The following LSM14A variants were observed in gnomAD, a reference collection of about 807,000 sequenced individuals.
LSM14A encodes the protein protein LSM14 homolog A.
A neutral mutation model predicts 52.4 loss-of-function variants in LSM14A; 14 were observed. That is an observed-to-expected ratio of 0.27 (90% CI 0.18 to 0.42). The LOEUF (loss-of-function observed/expected upper bound fraction) is 0.42. Ranked by LOEUF, LSM14A falls within the 10% of genes least tolerant of loss-of-function variation. The pLI, the probability that LSM14A is intolerant of heterozygous loss-of-function variation, is 1.00. For missense variants in LSM14A, 417 were observed against 581.8 expected, an observed-to-expected ratio of 0.72 and a Z score of 2.91; for synonymous variants, 185 against 200.3, an observed-to-expected ratio of 0.92 and a Z score of 0.64.
chr19:34,226,373 CTCTT>C lies in LSM14A; in HGVS notation c.1369-990_1369-987del. 3.0e-5 allele frequency: 39 copies of C among 1,282,658 alleles called. No homozygotes were observed. In the African/African-American group the frequency reaches 5.8e-4, roughly 19 times the overall value. 79.5% of individuals were successfully genotyped at this position (1,282,658 alleles called of 1,614,324 possible). ...CTCCCTCTCCTGTCCCCATCTCTTT[CTCTT>C]TTTTTTTTTTTTTTTTTTTTTACCT... On this transcript the variant is annotated intron_variant, in intron 9 of 9. Coordinates refer to ENST00000544216, the MANE Select transcript of LSM14A (RefSeq NM_015578.4).
At chr19:34,187,658 G>A (rs1812007688) in intron 1 of LSM14A, among the ~76,000 whole-genome samples, 1 of 152,050 alleles carries the variant, frequency 6.6e-6, no homozygotes. Context: ...AGTATATAAT[G>A]TTTATCATGC....
intron 1 of LSM14A, among the ~76,000 whole-genome samples, chr19:34,177,637 A>C (rs2069172070): frequency 6.6e-6 from 1 of 152,344 alleles, no homozygotes; most frequent in African/African-American, 2.4e-5. Context: ...CTGTAATCCC[A>C]ACATTTCCAA....
Position 34,172,735 on chromosome 19 carries a change from C to A in LSM14A, c.93C>A (p.Thr31=), listed in dbSNP as rs755871446. ...AGGGCATCCTCTACACCATCGACAC[C>A]GAAAACTCCACCGTAGCCCTTGCCA... ...RYEGILYTID[T]ENSTVALAKV... The change falls in exon 1 of 10, where the codon ACC becomes ACA. Residue 31 remains threonine, a synonymous_variant. Coordinates refer to ENST00000544216, the MANE Select transcript of LSM14A (RefSeq NM_015578.4). 1 of 1,577,700 alleles carries A rather than the reference C, an allele frequency of 6.3e-7. No homozygotes were observed. Among genetic ancestry groups the A allele is most frequent in the Non-Finnish European group, 8.6e-7 (1 of 1,163,602 alleles).
intron 9 of LSM14A, among the ~76,000 whole-genome samples, chr19:34,223,863 G>A (rs2073196486): frequency 6.6e-6 from 1 of 152,180 alleles, no homozygotes; most frequent in African/African-American, 2.4e-5. Flanking sequence ...ATAAAGAGTT[G>A]CACCATTTAT....
In LSM14A at chr19:34,209,116, A is replaced by G. The variant is rs190762064; in HGVS notation, c.538+65A>G. 1.3e-4 allele frequency: 179 copies of G among 1,384,498 alleles called. No homozygotes were observed. The East Asian group carries it at 2.9e-3, about 22-fold the overall frequency. The allele number at this position is 1,384,498 out of a possible 1,614,324, so 85.8% of individuals were successfully genotyped here. A position where few individuals can be genotyped will look rare whatever the true frequency, so the allele number is the denominator to read the frequency against. On this transcript the variant is annotated intron_variant, in intron 4 of 9. Coordinates refer to ENST00000544216, the MANE Select transcript of LSM14A (RefSeq NM_015578.4). ...TTTATAGTGGTTTTTGTCTTTCTGA[A>G]TGTAAGAGCTTTTGCAGCTTGTAAA...
chr19:34,197,472 T>C (rs1196067359), intron 3 of LSM14A, among the ~76,000 whole-genome samples: 1 of 136,694 alleles, frequency 7.3e-6, no homozygotes, highest in East Asian at 2.2e-4. Context: ...AGAGTCTTGC[T>C]CTGTTGCCCA....
chr19:34,180,908 A>G (rs1239355619), intron 1 of LSM14A, among the ~76,000 whole-genome samples: 1 of 152,186 alleles, frequency 6.6e-6, no homozygotes, highest in African/African-American at 2.4e-5. Flanking sequence ...TCACTTTTCT[A>G]CATGGCTATT....
Position 34,221,749 on chromosome 19 carries a change from C to G in LSM14A, c.1368+11C>G. ...GATTTTGAATATAGGGTAAGTGTTACTGTTAATAAATTCTTTGGGGTTGAC... is the reference window on the plus strand; with the variant it reads ...GATTTTGAATATAGGGTAAGTGTTAGTGTTAATAAATTCTTTGGGGTTGAC... On this transcript the variant is annotated intron_variant, in intron 9 of 9. Coordinates refer to ENST00000544216, the MANE Select transcript of LSM14A (RefSeq NM_015578.4). 6.3e-7 allele frequency: 1 copy of G among 1,597,516 alleles called. No individual in the cohort carries two copies. The highest frequency in any genetic ancestry group is 8.6e-7 in the Non-Finnish European group (1 of 1,167,496).
chr19:34,204,493 C>T (rs902277219), intron 3 of LSM14A, among the ~76,000 whole-genome samples: 1 of 150,748 alleles, frequency 6.6e-6, no homozygotes, highest in African/African-American at 2.4e-5. Flanking sequence ...GGGAGGATCA[C>T]TTGAGGCCAG....
At chr19:34,223,069 C>A (rs754042688) in intron 9 of LSM14A, among the ~76,000 whole-genome samples, 5 of 151,834 alleles carry the variant, frequency 3.3e-5, no homozygotes, top group Admixed American at 1.3e-4. Context: ...TTTTTTAATA[C>A]TCTTCATTCT....
chr19:34,202,020 G>A (rs1398858366), intron 3 of LSM14A, among the ~76,000 whole-genome samples: 3 of 151,060 alleles, frequency 2.0e-5, no homozygotes, highest in African/African-American at 4.9e-5. Context: ...CAGCATCTCA[G>A]CATGTTATCC....
At chr19:34,173,801 GTGGATAGGT>G (rs1195100044) in intron 1 of LSM14A, among the ~76,000 whole-genome samples, 2 of 151,876 alleles carry the variant, frequency 1.3e-5, no homozygotes, top group African/African-American at 4.9e-5. Flanking sequence ...TAGGGACCCT[GTGGATAGGT>G]TAGGTCCAAG....
intron 6 of LSM14A, among the ~76,000 whole-genome samples, chr19:34,218,568 A>C (rs889609257): frequency 5.9e-5 from 9 of 152,224 alleles, no homozygotes; most frequent in Admixed American, 5.9e-4. Context: ...AATTGTGATC[A>C]TTAAACTCAT....
In LSM14A at chr19:34,173,272, C is replaced by T. The variant is rs558447793; in HGVS notation, c.121+509C>T. 5.4e-4 allele frequency among the ~76,000 whole-genome samples: 83 copies of T among 152,352 alleles called. No individual in the cohort carries two copies. In the South Asian group the frequency reaches 0.016, roughly 29 times the overall value. On this transcript the variant is annotated intron_variant, in intron 1 of 9. Transcript: ENST00000544216. ...GGGTTTGCTCTGCGACGCAGACATT[C>T]TCGAAATGCCATCGATGCCGTGGAG...
At chr19:34,179,826 G>A (rs1051692664) in intron 1 of LSM14A, among the ~76,000 whole-genome samples, 2 of 152,172 alleles carry the variant, frequency 1.3e-5, no homozygotes, top group Admixed American at 1.3e-4. Context: ...ATTATTCCGT[G>A]CTAGAAGATG....
chr19:34,196,853 ATGT>A, intron 3 of LSM14A, 90 bp downstream of exon 3: 2 of 1,031,444 alleles, frequency 1.9e-6, no homozygotes, highest in South Asian at 1.9e-5. Flanking sequence ...ACTATTAGAA[ATGT>A]TGTTTGATGT....
rs34912989 is a variant in LSM14A at position 34,184,055 on chromosome 19, C to CTTT, written c.122-10408_122-10406dup. 9.4e-4 allele frequency among the ~76,000 whole-genome samples: 122 copies of CTTT among 129,868 alleles called. 2 individuals are homozygous for CTTT. The highest frequency in any genetic ancestry group is 4.3e-3 in the Middle Eastern group (1 of 234). 85.2% of individuals were successfully genotyped at this position (129,868 alleles called of 152,430 possible). On this transcript the variant is annotated intron_variant, in intron 1 of 9. Coordinates refer to ENST00000544216, the MANE Select transcript of LSM14A (RefSeq NM_015578.4). ...ACTTTCTTTTCTAGACTTTCCTTTG[C>CTTT]TTTTTTTTTTTTTTTTTGAGACGGA...
At chr19:34,222,982 A>G (rs2073144026) in intron 9 of LSM14A, among the ~76,000 whole-genome samples, 1 of 152,298 alleles carries the variant, frequency 6.6e-6, no homozygotes, top group Non-Finnish European at 1.5e-5. Flanking sequence ...TTTGACACTG[A>G]CCAACCACCC....
At chr19:34,224,554 G>A (rs2073242283) in intron 9 of LSM14A, among the ~76,000 whole-genome samples, 1 of 152,178 alleles carries the variant, frequency 6.6e-6, no homozygotes, top group Admixed American at 6.6e-5. Flanking sequence ...CCTCTGCTTA[G>A]GTGTTGCCAG....
Sources: allele counts gnomAD v4.1 joint callset (sites outside exome capture counted in the v4.1 genomes callset), GRCh38; gene constraint gnomAD v4.1.1; transcripts MANE v1.5; gene names NCBI Gene and HGNC (gene_info 2026-07-23, HGNC 2026-07-21).